FAT3: variants seen among roughly 807,000 people sequenced by gnomAD.
FAT3 encodes FAT atypical cadherin 3, also known as protocadherin Fat 3.
FAT3 carries 95 observed loss-of-function variants against 310.2 expected under a neutral mutation model. The observed-to-expected ratio is 0.31, with a 90% CI of 0.26 to 0.36. The LOEUF (loss-of-function observed/expected upper bound fraction) is 0.36. FAT3 is among the 10% of genes least tolerant of loss of function. FAT3 has a pLI of 1.00. For missense variants in FAT3, 5,408 were observed against 5,715.6 expected (o/e 0.95, Z 1.74); for synonymous variants, 2,314 against 2,192.9 (o/e 1.06, Z -1.54).
At chr11:92,609,847 A>C (rs1940480324) in intron 3 of FAT3, among the ~76,000 whole-genome samples, 1 of 152,188 alleles carries the variant, frequency 6.6e-6, no homozygotes, top group Admixed American at 6.5e-5. Flanking sequence ...TGTGGAGTTC[A>C]GACATTGGAT....
At chr11:92,890,258 A>G (rs372311173) in intron 27 of FAT3, among the ~76,000 whole-genome samples, 2 of 152,176 alleles carry the variant, frequency 1.3e-5, no homozygotes, top group South Asian at 4.1e-4. Flanking sequence ...TCTTCGTCTC[A>G]TGGCATGGCT....
Position 92,549,830 on chromosome 11 carries a change from G to A in FAT3, c.3607+24882G>A, listed in dbSNP as rs369513741. 2.2e-4 allele frequency among the ~76,000 whole-genome samples: 34 copies of A among 152,250 alleles called. 1 individual carries two copies. In the East Asian group the frequency reaches 5.0e-3, roughly 22 times the overall value. On this transcript the variant is annotated intron_variant, in intron 3 of 27. Transcript: ENST00000525166. ...ATCCTGTTTTTTTGTACAATACACCGTGGATAGAGAGATTAATGATACCCA... is the reference window on the plus strand; with the variant it reads ...ATCCTGTTTTTTTGTACAATACACCATGGATAGAGAGATTAATGATACCCA...
In FAT3 at chr11:92,859,391, A is replaced by C. The variant is rs1366649261; in HGVS notation, c.11658+69A>C. 3 of 1,384,848 alleles carry C rather than the reference A, an allele frequency of 2.2e-6. No homozygotes were observed. The East Asian group carries it at 7.8e-5, about 36-fold the overall frequency. The allele number at this position is 1,384,848 out of a possible 1,614,324, so 85.8% of individuals were successfully genotyped here. A position where few individuals can be genotyped will look rare whatever the true frequency, so the allele number is the denominator to read the frequency against. On this transcript the variant is annotated intron_variant, in intron 21 of 27. Transcript: ENST00000525166. ...TAGTGTTTTGGCTCTTGGATTGGGG[A>C]ACGGCTGAAATCATTTTGTCTTTTA... is the stretch of plus-strand genomic sequence containing the variant.
chr11:92,254,071 A>C (rs1486148179), intron 1 of FAT3, among the ~76,000 whole-genome samples: 1 of 152,186 alleles, frequency 6.6e-6, no homozygotes, highest in African/African-American at 2.4e-5. Context: ...CTCTGGTTGC[A>C]AGGAAAGGAA....
At chr11:92,844,845 C>T in intron 19 of FAT3, 113 bp downstream of exon 19, 1 of 1,246,150 alleles carries the variant, frequency 8.0e-7, no homozygotes, top group South Asian at 1.6e-5. Flanking sequence ...ATTAAATGAT[C>T]AATTACTGTG....
chr11:92,790,222 G>A lies in FAT3; in HGVS notation c.4611+4G>A, dbSNP rs1947004999. Reference sequence around the variant, plus strand: ...CAAGCACATTCTCAACATAATGGTAGGACCAAAATCCTAATTAGCACTCCT... The same window carrying A: ...CAAGCACATTCTCAACATAATGGTAAGACCAAAATCCTAATTAGCACTCCT... On this transcript the variant is annotated splice_donor_region_variant and intron_variant, in intron 8 of 27. Transcript: ENST00000525166. The A allele has an allele frequency of 6.2e-7, 1 of 1,612,922 alleles. No homozygotes were observed. Among genetic ancestry groups the A allele is most frequent in the Non-Finnish European group, 8.5e-7 (1 of 1,179,180 alleles).
chr11:92,555,541 G>A (rs192620035), intron 3 of FAT3, among the ~76,000 whole-genome samples: 5 of 152,294 alleles, frequency 3.3e-5, no homozygotes, highest in African/African-American at 1.2e-4. Flanking sequence ...TCATTCAGGT[G>A]TGTCTAGGCC....
At chr11:92,614,901 C>A (rs1243684898) in intron 3 of FAT3, among the ~76,000 whole-genome samples, 2 of 152,160 alleles carry the variant, frequency 1.3e-5, no homozygotes, top group East Asian at 3.9e-4. Flanking sequence ...GAGTAGAGAT[C>A]CAACTTCATT....
chr11:92,716,151 G>C (rs1206932264), intron 4 of FAT3, among the ~76,000 whole-genome samples: 4 of 152,174 alleles, frequency 2.6e-5, no homozygotes. Context: ...TCCAACTGCA[G>C]GTAGTGGTAG....
At chr11:92,779,656 G>T (rs1946688073) in intron 7 of FAT3, among the ~76,000 whole-genome samples, 1 of 152,152 alleles carries the variant, frequency 6.6e-6, no homozygotes, top group African/African-American at 2.4e-5. Flanking sequence ...TCCCCAAGAA[G>T]ATGTTCATGT....
chr11:92,875,159 T>C (rs1345341054), intron 22 of FAT3, among the ~76,000 whole-genome samples: 3 of 143,714 alleles, frequency 2.1e-5, no homozygotes, highest in Admixed American at 1.4e-4. Flanking sequence ...ATCACTCTTC[T>C]TTCACTAAAA....
intron 2 of FAT3, among the ~76,000 whole-genome samples, chr11:92,411,656 C>A (rs1006291927): frequency 6.6e-6 from 1 of 152,096 alleles, no homozygotes; most frequent in South Asian, 2.1e-4. Flanking sequence ...GAGGGGCCGA[C>A]AGAATAGGAG....
intron 3 of FAT3, among the ~76,000 whole-genome samples, chr11:92,644,659 G>A (rs983679685): frequency 1.3e-5 from 2 of 152,178 alleles, no homozygotes; most frequent in South Asian, 2.1e-4. Context: ...ATGTTACCAC[G>A]TGACTTGACT....
intron 3 of FAT3, among the ~76,000 whole-genome samples, chr11:92,575,706 G>T (rs1008250324): frequency 6.6e-6 from 1 of 152,094 alleles, no homozygotes; most frequent in African/African-American, 2.4e-5. Context: ...GTGATAACGT[G>T]AATAAATATA....
At chr11:92,617,820 T>C (rs1591526022) in intron 3 of FAT3, among the ~76,000 whole-genome samples, 3 of 152,320 alleles carry the variant, frequency 2.0e-5, no homozygotes, top group African/African-American at 7.2e-5. Flanking sequence ...AAGGCAAATG[T>C]TGCTGCCCAA....
At chr11:92,643,428 G>T (rs1452672410) in intron 3 of FAT3, among the ~76,000 whole-genome samples, 1 of 152,182 alleles carries the variant, frequency 6.6e-6, no homozygotes, top group Non-Finnish European at 1.5e-5. Flanking sequence ...GGTTTTTCAT[G>T]TAGTGAGAAA....
rs1209123064 is a variant in FAT3 at position 92,878,650 on chromosome 11, AAAAAAAAAAAAAAAAAAG to A, written c.12128-2080_12128-2063del. 7.2e-3 allele frequency among the ~76,000 whole-genome samples: 980 copies of A among 135,846 alleles called. 30 individuals carry two copies. The highest frequency in any genetic ancestry group is 0.027 in the African/African-American group (916 of 33,934). 89.1% of individuals were successfully genotyped at this position (135,846 alleles called of 152,430 possible). ...GTTATGTGTTAAAAAAAAAAAAAAA[AAAAAAAAAAAAAAAAAAG>A]CTCCGCACAAAAAAAGTTCTTGGAA... On this transcript the variant is annotated intron_variant, in intron 22 of 27. Coordinates refer to ENST00000525166, the MANE Select transcript of FAT3 (RefSeq NM_001367949.2).
Position 92,524,711 on chromosome 11 carries a change from G to A in FAT3, c.3370G>A (p.Gly1124Ser). ...YWLTVYATDR[G>S]VVPLYSTIEV... ...GCTAACAGTGTATGCCACAGACAGG[G>A]GCGTTGTTCCACTCTACTCCACCAT... The change falls in exon 3 of 28, where the codon GGC becomes AGC. Residue 1124 changes from glycine (G) to serine (S), a missense_variant. Gly to Ser is a moderately conservative substitution (Grantham distance 56). This residue lies in a region of FAT3 where 4,588 missense variants were observed against 4,809.8 expected (regional missense o/e 0.95). Transcript: ENST00000525166. 5 of 1,613,776 alleles carry A rather than the reference G, an allele frequency of 3.1e-6. No homozygotes were observed. Among genetic ancestry groups the A allele is most frequent in the South Asian group, 1.1e-5 (1 of 91,052 alleles).
At chr11:92,239,137 A>G (rs891670082) in intron 1 of FAT3, among the ~76,000 whole-genome samples, 11 of 152,068 alleles carry the variant, frequency 7.2e-5, no homozygotes, top group Non-Finnish European at 1.5e-4. Context: ...TGACTTGCCC[A>G]AGGTAACATT....
Sources: allele counts gnomAD v4.1 joint callset (sites outside exome capture counted in the v4.1 genomes callset), GRCh38; gene constraint gnomAD v4.1.1; regional missense constraint gnomAD v4.1.1; transcripts MANE v1.5; gene names NCBI Gene and HGNC (gene_info 2026-07-23, HGNC 2026-07-21).